The following FAT3 variants were observed in gnomAD, a reference collection of about 807,000 sequenced individuals.
The protein encoded by FAT3 is FAT atypical cadherin 3.
Under a neutral mutation model 310.2 loss-of-function variants are expected in FAT3, and 95 were observed. The observed-to-expected ratio is 0.31, with a 90% CI of 0.26 to 0.36. The LOEUF (loss-of-function observed/expected upper bound fraction) is 0.36. FAT3 is among the 10% of genes least tolerant of loss of function. FAT3 has a pLI of 1.00. For synonymous variants in FAT3, 2,314 were observed against 2,192.9 expected, an observed-to-expected ratio of 1.06 and a Z score of -1.54; for missense variants, 5,408 against 5,715.6, an observed-to-expected ratio of 0.95 and a Z score of 1.74.
chr11:92,439,903 G>A (rs989278965), intron 2 of FAT3, among the ~76,000 whole-genome samples: 2 of 151,570 alleles, frequency 1.3e-5, no homozygotes, highest in Admixed American at 1.3e-4. Flanking sequence ...ATGAGAGAGT[G>A]AGACCCTGTC....
chr11:92,318,464 G>A (rs1228963311), intron 1 of FAT3, among the ~76,000 whole-genome samples: 1 of 152,122 alleles, frequency 6.6e-6, no homozygotes, highest in Non-Finnish European at 1.5e-5. Flanking sequence ...TTCTAATTCC[G>A]TGAGATTTGT....
chr11:92,444,386 A>G (rs925248887), intron 2 of FAT3, among the ~76,000 whole-genome samples: 1 of 152,114 alleles, frequency 6.6e-6, no homozygotes, highest in Non-Finnish European at 1.5e-5. Flanking sequence ...GTACTATTAT[A>G]TTGTCATGTA....
intron 4 of FAT3, among the ~76,000 whole-genome samples, chr11:92,736,467 T>C (rs1945351367): frequency 6.6e-6 from 1 of 152,064 alleles, no homozygotes; most frequent in Non-Finnish European, 1.5e-5. Context: ...AAGAGTGAAA[T>C]TGAGTAGAAG....
At chr11:92,323,960 T>A (rs1947698007) in intron 1 of FAT3, among the ~76,000 whole-genome samples, 1 of 152,198 alleles carries the variant, frequency 6.6e-6, no homozygotes, top group Non-Finnish European at 1.5e-5. Context: ...CACTGTTATG[T>A]TATAGAGATG....
intron 1 of FAT3, among the ~76,000 whole-genome samples, chr11:92,328,657 T>G (rs767819085): frequency 6.6e-5 from 10 of 152,226 alleles, no homozygotes; most frequent in Admixed American, 1.3e-4. Flanking sequence ...ACGAGGCACG[T>G]GACAGCCGTG....
intron 11 of FAT3, among the ~76,000 whole-genome samples, chr11:92,806,052 G>GT (rs1173041742): frequency 2.6e-5 from 4 of 152,184 alleles, no homozygotes; most frequent in Non-Finnish European, 5.9e-5. Context: ...TCAATGTGTG[G>GT]TGTGTGTTAT....
intron 2 of FAT3, among the ~76,000 whole-genome samples, chr11:92,407,443 G>T (rs1176281483): frequency 6.6e-6 from 1 of 152,080 alleles, no homozygotes; most frequent in African/African-American, 2.4e-5. Flanking sequence ...TATTTGTTGA[G>T]GGGTAACATG....
At chr11:92,424,095 TG>T (rs1950582901) in intron 2 of FAT3, among the ~76,000 whole-genome samples, 1 of 152,136 alleles carries the variant, frequency 6.6e-6, no homozygotes, top group African/African-American at 2.4e-5. Context: ...TGCTTTGTTT[TG>T]TTTTTTTATT....
intron 7 of FAT3, among the ~76,000 whole-genome samples, chr11:92,780,991 T>C (rs1946733292): frequency 6.6e-6 from 1 of 152,054 alleles, no homozygotes; most frequent in Non-Finnish European, 1.5e-5. Flanking sequence ...AGTTAATGGA[T>C]GAAAATACAT....
intron 2 of FAT3, among the ~76,000 whole-genome samples, chr11:92,396,559 G>A (rs1046798954): frequency 6.6e-6 from 1 of 152,154 alleles, no homozygotes; most frequent in South Asian, 2.1e-4. Flanking sequence ...TGGCCCATTG[G>A]TGGAGAACAT....
intron 3 of FAT3, among the ~76,000 whole-genome samples, chr11:92,536,866 T>G (rs1373343653): frequency 6.6e-6 from 1 of 152,152 alleles, no homozygotes; most frequent in Non-Finnish European, 1.5e-5. Flanking sequence ...ATATTTCAAC[T>G]TCCCAAGAGT....
chr11:92,695,600 A>G (rs754805755), intron 3 of FAT3, among the ~76,000 whole-genome samples: 5 of 152,142 alleles, frequency 3.3e-5, no homozygotes, highest in Non-Finnish European at 5.9e-5. Context: ...CTGTAGCAAA[A>G]CTGAAGAATA....
intron 1 of FAT3, among the ~76,000 whole-genome samples, chr11:92,256,428 T>A (rs1422875484): frequency 6.6e-6 from 1 of 151,736 alleles, no homozygotes; most frequent in Non-Finnish European, 1.5e-5. Context: ...TATGAAAAAA[T>A]GTGACTCATT....
intron 3 of FAT3, among the ~76,000 whole-genome samples, chr11:92,650,486 G>T (rs1027623514): frequency 1.3e-5 from 2 of 152,132 alleles, no homozygotes; most frequent in Admixed American, 1.3e-4. Flanking sequence ...AGGGAGTAGT[G>T]GTTCCTTAGC....
At chr11:92,386,011 G>C (rs1035755581) in intron 2 of FAT3, among the ~76,000 whole-genome samples, 1 of 152,026 alleles carries the variant, frequency 6.6e-6, no homozygotes, top group African/African-American at 2.4e-5. Flanking sequence ...AGCTAGGCAT[G>C]GTGGTATGTG....
intron 4 of FAT3, among the ~76,000 whole-genome samples, chr11:92,721,707 TA>T (rs1944864180): frequency 6.6e-6 from 1 of 152,124 alleles, no homozygotes; most frequent in Admixed American, 6.6e-5. Flanking sequence ...GATAAAGACA[TA>T]ACTGAGACTG....
chr11:92,672,828 C>T lies in FAT3; in HGVS notation c.3608-24556C>T, dbSNP rs146695186. 2.0e-4 allele frequency among the ~76,000 whole-genome samples: 30 copies of T among 152,158 alleles called. No homozygotes were observed. The East Asian group carries it at 3.3e-3, about 17-fold the overall frequency. On this transcript the variant is annotated intron_variant, in intron 3 of 27. Transcript: ENST00000525166. ...GATTTTCTTTTGTTTTGCTGGAAGG[C>T]GGAACTCAGTTAATATTATAGGAAT...
At chr11:92,696,085 A>G (rs547350559) in intron 3 of FAT3, among the ~76,000 whole-genome samples, 66 of 151,472 alleles carry the variant, frequency 4.4e-4, no homozygotes, top group Non-Finnish European at 8.8e-4. Context: ...GGTATGCTTG[A>G]ATCATAAGCT....
intron 22 of FAT3, among the ~76,000 whole-genome samples, chr11:92,876,649 C>T (rs1949542615): frequency 6.6e-6 from 1 of 152,190 alleles, no homozygotes; most frequent in Non-Finnish European, 1.5e-5. Flanking sequence ...TGCATAGTCT[C>T]CTCCACTTGG....
Sources: gnomAD v4.1 joint callset for allele counts (sites outside exome capture counted in the v4.1 genomes callset) on GRCh38, gnomAD v4.1.1 for gene constraint, MANE v1.5 for transcripts, NCBI Gene and HGNC (gene_info 2026-07-23, HGNC 2026-07-21) for gene names.